The following PCSK5 variants were observed in gnomAD, a reference collection of about 807,000 sequenced individuals.
The protein encoded by PCSK5 is prohormone convertase 5.
Under a neutral mutation model 233.2 loss-of-function variants are expected in PCSK5, and 129 were observed. That is an observed-to-expected ratio of 0.55 (90% confidence interval 0.48 to 0.64). The LOEUF (loss-of-function observed/expected upper bound fraction) is 0.64, where lower values mean the gene tolerates loss of function less well. Among genes scored for constraint, PCSK5 ranks in the 30% least tolerant of loss-of-function variants. PCSK5 has a pLI of 0.00. For synonymous variants in PCSK5, 825 were observed against 879.2 expected (o/e 0.94, Z 1.09); for missense variants, 2,076 against 2,430.1 (o/e 0.85, Z 3.06).
intron 1 of PCSK5, among the ~76,000 whole-genome samples, chr9:75,922,419 C>T (rs529397139): frequency 4.6e-5 from 7 of 152,150 alleles, no homozygotes; most frequent in South Asian, 4.1e-4. Flanking sequence ...TCTGGGGAGA[C>T]GTTACAGATG....
intron 20 of PCSK5, chr9:76,193,211 T>TTCTC: frequency 6.2e-7 from 1 of 1,609,532 alleles, no homozygotes; most frequent in Non-Finnish European, 8.5e-7. Context: ...TCAACTCCCC[T>TTCTC]TCTCTCTTGC....
rs562213225 is a variant in PCSK5 at position 75,952,052 on chromosome 9, A to G, written c.297+19569A>G. Among the ~76,000 whole-genome samples, 4 of 152,294 alleles carry G rather than the reference A, an allele frequency of 2.6e-5. No homozygotes were observed. In the East Asian group the frequency reaches 5.8e-4, roughly 22 times the overall value. ...TATACTTAACCACCTAGATGCTACCATTAGCATTCTACACACTTCTTTTAT... is the reference window on the plus strand; with the variant it reads ...TATACTTAACCACCTAGATGCTACCGTTAGCATTCTACACACTTCTTTTAT... On this transcript the variant is annotated intron_variant, in intron 2 of 37. Coordinates refer to ENST00000674117, the MANE Select transcript of PCSK5 (RefSeq NM_001372043.1).
At chr9:76,235,852 G>A (rs977290126) in intron 22 of PCSK5, among the ~76,000 whole-genome samples, 2 of 152,176 alleles carry the variant, frequency 1.3e-5, no homozygotes, top group African/African-American at 4.8e-5. Context: ...GTGTAGCAGA[G>A]ACCTTGATAA....
At position 76,095,909 on chromosome 9, in the gene PCSK5, CTG is replaced by C. The variant is rs764323619; in HGVS notation, c.918_919del (p.Phe307CysfsTer17). 6.2e-7 allele frequency: 1 copy of C among 1,614,126 alleles called. No homozygotes were observed. ...GAACAGGGGCGGAGAGGCCTCGGCT[CTG>C]TGTTTGTTTGGGCATCTGGAAATGG... On this transcript the variant is annotated frameshift_variant, in exon 8 of 38. Coordinates refer to ENST00000674117, the MANE Select transcript of PCSK5 (RefSeq NM_001372043.1). LOFTEE classifies it high-confidence loss of function.
At chr9:76,252,857 C>T (rs1826856810) in intron 24 of PCSK5, among the ~76,000 whole-genome samples, 1 of 152,196 alleles carries the variant, frequency 6.6e-6, no homozygotes, top group African/African-American at 2.4e-5. Flanking sequence ...ATGAAGTTCA[C>T]TCTTTAATTT....
chr9:76,315,773 C>T (rs1829006592), intron 30 of PCSK5, among the ~76,000 whole-genome samples: 1 of 151,140 alleles, frequency 6.6e-6, no homozygotes, highest in East Asian at 2.0e-4. Context: ...GCTGGGATTA[C>T]AGGCGCCCAC....
At chr9:76,193,402 A>T in intron 20 of PCSK5, 4 of 1,017,630 alleles carry the variant, frequency 3.9e-6, no homozygotes, top group South Asian at 2.2e-5. Flanking sequence ...ATTATTCCAT[A>T]TTATTAAAAA....
chr9:76,092,416 G>A (rs989593788), intron 7 of PCSK5, among the ~76,000 whole-genome samples: 1 of 152,106 alleles, frequency 6.6e-6, no homozygotes, highest in Non-Finnish European at 1.5e-5. Context: ...GTTTAGAGAC[G>A]GTCATTCTCT....
intron 1 of PCSK5, among the ~76,000 whole-genome samples, chr9:75,903,199 T>C (rs1473869454): frequency 6.6e-6 from 1 of 152,178 alleles, no homozygotes; most frequent in African/African-American, 2.4e-5. Context: ...TACTACCTTA[T>C]AGGAATACAG....
At chr9:76,285,928 C>A (rs553391370) in intron 24 of PCSK5, among the ~76,000 whole-genome samples, 44 of 151,916 alleles carry the variant, frequency 2.9e-4, no homozygotes, top group Middle Eastern at 3.4e-3. Context: ...TATTAAATTT[C>A]TTTGGTAATA....
At chr9:75,980,255 A>G (rs1348530348) in intron 2 of PCSK5, among the ~76,000 whole-genome samples, 3 of 152,248 alleles carry the variant, frequency 2.0e-5, no homozygotes, top group Admixed American at 1.3e-4. Flanking sequence ...AGTTGATAAC[A>G]TACATTTCTA....
At chr9:76,292,344 A>C in intron 25 of PCSK5, 69 bp downstream of exon 25, 1 of 992,806 alleles carries the variant, frequency 1.0e-6, no homozygotes, top group Non-Finnish European at 1.6e-6. Flanking sequence ...ATAATCCTCA[A>C]TCCAGCGATT....
chr9:75,974,233 G>A (rs905138177), intron 2 of PCSK5, among the ~76,000 whole-genome samples: 1 of 152,134 alleles, frequency 6.6e-6, no homozygotes, highest in African/African-American at 2.4e-5. Context: ...GGCACCGCTC[G>A]CCTTCCCGTA....
At chr9:76,350,686 TTTTTTC>T in intron 35 of PCSK5, 136 bp from the exon 36 acceptor site, 1 of 594,866 alleles carries the variant, frequency 1.7e-6, no homozygotes, top group Non-Finnish European at 3.0e-6. Context: ...TGTGGGAGAC[TTTTTTC>T]TTTTTCGTAT....
intron 24 of PCSK5, among the ~76,000 whole-genome samples, chr9:76,249,179 G>A (rs569559000): frequency 4.1e-4 from 62 of 152,314 alleles, no homozygotes; most frequent in African/African-American, 1.5e-3. Flanking sequence ...TGACTGGAAG[G>A]TTGTTACTTG....
At chr9:76,017,385 A>G (rs2131468993) in intron 3 of PCSK5, among the ~76,000 whole-genome samples, 1 of 152,362 alleles carries the variant, frequency 6.6e-6, no homozygotes, top group Middle Eastern at 3.4e-3. Context: ...TCCCTAAATT[A>G]TAAGAAGGCT....
At chr9:76,351,653 G>A (rs12238502) in intron 36 of PCSK5, among the ~76,000 whole-genome samples, 1 of 93,804 alleles carries the variant, frequency 1.1e-5, no homozygotes, top group South Asian at 4.9e-4. Flanking sequence ...GAAAGAAAGA[G>A]AGAGAGAAAG....
chr9:76,274,036 C>T (rs1267220352), intron 24 of PCSK5, among the ~76,000 whole-genome samples: 1 of 151,640 alleles, frequency 6.6e-6, no homozygotes, highest in African/African-American at 2.4e-5. Context: ...CTTTCCCATT[C>T]TCTCAGTTAT....
At chr9:76,108,870 C>T (rs184747236) in intron 9 of PCSK5, among the ~76,000 whole-genome samples, 124 of 152,242 alleles carry the variant, frequency 8.1e-4, no homozygotes, top group African/African-American at 2.9e-3. Flanking sequence ...CTGAATATAA[C>T]GTGGATACAG....
Sources: allele counts gnomAD v4.1 joint callset (sites outside exome capture counted in the v4.1 genomes callset), GRCh38; gene constraint gnomAD v4.1.1; transcripts MANE v1.5; gene names NCBI Gene and HGNC (gene_info 2026-07-23, HGNC 2026-07-21).